The following SLC6A20 variants were observed in gnomAD, a reference collection of about 807,000 sequenced individuals.
SLC6A20 encodes the protein solute carrier family 6 member 20.
A neutral mutation model predicts 64.3 loss-of-function variants in SLC6A20; 73 were observed. The ratio of observed to expected loss-of-function variants is 1.14; its 90% CI spans 0.94 to 1.38. The LOEUF (loss-of-function observed/expected upper bound fraction) is 1.38, where lower values mean the gene tolerates loss of function less well. SLC6A20 is among the 40% of genes most tolerant of loss of function. The pLI, the probability that SLC6A20 is intolerant of heterozygous loss-of-function variation, is 0.00. For synonymous variants in SLC6A20, 347 were observed against 329.6 expected (o/e 1.05, Z -0.57); for missense variants, 725 against 772.8 (o/e 0.94, Z 0.73).
chr3:45,776,840 G>C (rs72885815), intron 3 of SLC6A20, among the ~76,000 whole-genome samples: 1,695 of 152,330 alleles, frequency 0.011, 31 homozygotes, highest in African/African-American at 0.037. Flanking sequence ...TCCAAGGCAG[G>C]CGGGGATTGG....
intron 5 of SLC6A20, 175 bp from the exon 6 acceptor site, chr3:45,771,633 T>C (rs1315056922): frequency 3.7e-5 from 35 of 955,186 alleles, no homozygotes; most frequent in Non-Finnish European, 4.9e-5. Flanking sequence ...CCCTGGCAGA[T>C]GAAACACACA....
Position 45,758,414 on chromosome 3 carries a change from TC to T in SLC6A20, c.*563del. On this transcript the variant is annotated 3_prime_UTR_variant, in exon 11 of 11. Transcript: ENST00000358525. ...CTTAGAGAAAGGATCCCTTTGGGGG[TC>T]CCAGACAAAGATCTTCTTTCTTTAT... 1 of 1,275,856 alleles carries T rather than the reference TC, an allele frequency of 7.8e-7. No individual in the cohort carries two copies. The highest frequency in any genetic ancestry group is 2.4e-5 in the Admixed American group (1 of 40,934). The allele number at this position is 1,275,856 out of a possible 1,614,324, so 79.0% of individuals were successfully genotyped here. A position where few individuals can be genotyped will look rare whatever the true frequency, so the allele number is the denominator to read the frequency against.
intron 3 of SLC6A20, among the ~76,000 whole-genome samples, chr3:45,778,920 C>T (rs1339297921): frequency 7.9e-5 from 12 of 152,296 alleles, no homozygotes; most frequent in Admixed American, 5.9e-4. Flanking sequence ...GCCAGAGATA[C>T]GTGCAATGGG....
intron 1 of SLC6A20, among the ~76,000 whole-genome samples, chr3:45,792,127 C>A (rs1198623780): frequency 6.6e-6 from 1 of 152,190 alleles, no homozygotes; most frequent in African/African-American, 2.4e-5. Context: ...CGCACAGGCT[C>A]CTGGCCAGGC....
intron 1 of SLC6A20, among the ~76,000 whole-genome samples, chr3:45,785,613 TTCTCTCTCTC>T (rs60563353): frequency 9.4e-4 from 133 of 141,104 alleles, no homozygotes; most frequent in East Asian, 4.5e-3. Context: ...AAACTCCCCT[TTCTCTCTCTC>T]TCTCTCTCTC....
In SLC6A20 at chr3:45,796,521, G is replaced by A. The variant is rs2271616; in HGVS notation, c.-102C>T. On this transcript the variant is annotated 5_prime_UTR_variant, in exon 1 of 11. Coordinates refer to ENST00000358525, the MANE Select transcript of SLC6A20 (RefSeq NM_020208.4). ...CGTCCCACCCCGGCTCGGCTTGGGGGTGGCCCCGCGCCTCCGCCGCCGACG... is the reference window on the plus strand; with the variant it reads ...CGTCCCACCCCGGCTCGGCTTGGGGATGGCCCCGCGCCTCCGCCGCCGACG... 2 of 1,237,276 alleles carry A rather than the reference G, an allele frequency of 1.6e-6. No homozygotes were observed. Among genetic ancestry groups the A allele is most frequent in the South Asian group, 2.0e-5 (1 of 49,348 alleles). 76.6% of individuals were successfully genotyped at this position (1,237,276 alleles called of 1,614,324 possible). A position where few individuals can be genotyped will look rare whatever the true frequency, so the allele number is the denominator to read the frequency against.
chr3:45,787,668 T>C lies in SLC6A20; in HGVS notation c.122-5445A>G, dbSNP rs552709777. 3.9e-5 allele frequency among the ~76,000 whole-genome samples: 6 copies of C among 152,226 alleles called. No individual in the cohort carries two copies. The South Asian group carries it at 1.2e-3, about 32-fold the overall frequency. On this transcript the variant is annotated intron_variant, in intron 1 of 10. Transcript: ENST00000358525. ...CAAAACTAAGACCCACCCTCTTGTC[T>C]TGCAAGCCCCTGTTGTTGAGGCACC...
At position 45,758,915 on chromosome 3, in the gene SLC6A20, G is replaced by A; in HGVS notation, c.*63C>T. The A allele has an allele frequency of 1.3e-6, 2 of 1,516,306 alleles. No individual in the cohort carries two copies. The highest frequency in any genetic ancestry group is 1.8e-6 in the Non-Finnish European group (2 of 1,131,656). 93.9% of individuals were successfully genotyped at this position (1,516,306 alleles called of 1,614,324 possible). ...CCTGGCTTAAGCATTTGAAAAAGCAGCCGAGGAGTTTCCGCCTGTAAATAG... is the reference window on the plus strand; with the variant it reads ...CCTGGCTTAAGCATTTGAAAAAGCAACCGAGGAGTTTCCGCCTGTAAATAG... On this transcript the variant is annotated 3_prime_UTR_variant, in exon 11 of 11. Coordinates refer to ENST00000358525, the MANE Select transcript of SLC6A20 (RefSeq NM_020208.4).
chr3:45,769,486 C>T (rs1469406525), intron 7 of SLC6A20, among the ~76,000 whole-genome samples: 1 of 150,914 alleles, frequency 6.6e-6, no homozygotes, highest in East Asian at 1.9e-4. Flanking sequence ...AAAAAAAACC[C>T]TCCAAATGTC....
chr3:45,777,428 G>A (rs1699989118), intron 3 of SLC6A20, among the ~76,000 whole-genome samples: 1 of 152,314 alleles, frequency 6.6e-6, no homozygotes, highest in African/African-American at 2.4e-5. Context: ...CCCTTCCCAT[G>A]TGCACATTTC....
chr3:45,771,228 G>A lies in SLC6A20; in HGVS notation c.924C>T (p.Asn308=), dbSNP rs765605600. The stretch of plus-strand genomic sequence containing the variant: ...CAGCCCAGGCTTACTTCTTCAAGCA[G>A]TTTTCATAATTGAAGGTGGCCTTGA... ...YGFKATFNYE[N]CLKKVSLLLT... The change falls in exon 6 of 11, where the codon AAC becomes AAT. Residue 308 remains asparagine, a synonymous_variant. Coordinates refer to ENST00000358525, the MANE Select transcript of SLC6A20 (RefSeq NM_020208.4). The A allele has an allele frequency of 1.2e-6, 2 of 1,614,254 alleles. No homozygotes were observed. The highest frequency in any genetic ancestry group is 1.7e-6 in the Non-Finnish European group (2 of 1,180,046).
rs573287546 is a variant in SLC6A20 at position 45,790,907 on chromosome 3, A to G, written c.121+5392T>C. Among the ~76,000 whole-genome samples the G allele has an allele frequency of 4.6e-5, 7 of 152,068 alleles. No individual in the cohort carries two copies. The South Asian group carries it at 1.2e-3, about 27-fold the overall frequency. On this transcript the variant is annotated intron_variant, in intron 1 of 10. Coordinates refer to ENST00000358525, the MANE Select transcript of SLC6A20 (RefSeq NM_020208.4). ...TCACAGCCACCTGGGGTTTCTGGCC[A>G]TTTCCCTCAAATGTGTGCTTTTCTG...
chr3:45,761,227 C>CT, intron 9 of SLC6A20, among the ~76,000 whole-genome samples: 1 of 151,622 alleles, frequency 6.6e-6, no homozygotes, highest in South Asian at 2.1e-4. Flanking sequence ...CCCATAACCC[C>CT]CCCCCCTTTC....
intron 1 of SLC6A20, among the ~76,000 whole-genome samples, chr3:45,795,591 CA>C (rs1391552612): frequency 6.6e-6 from 1 of 152,114 alleles, no homozygotes; most frequent in Non-Finnish European, 1.5e-5. Flanking sequence ...CATTGCCTTC[CA>C]AAAAGGTACT....
At position 45,796,293 on chromosome 3, in the gene SLC6A20, A is replaced by C. The variant is rs1700344788; in HGVS notation, c.121+6T>G. 3.1e-6 allele frequency: 5 copies of C among 1,600,170 alleles called. No individual in the cohort carries two copies. Among genetic ancestry groups the C allele is most frequent in the Non-Finnish European group, 4.3e-6 (5 of 1,173,916 alleles). On this transcript the variant is annotated splice_donor_region_variant and intron_variant, in intron 1 of 10. Transcript: ENST00000358525. ...GGGCTGGGGCCGGGGCGCGGTGGGC[A>C]CTCACCTCCGCCGTACATCTGGCAC...
At chr3:45,795,148 A>C (rs979478519) in intron 1 of SLC6A20, among the ~76,000 whole-genome samples, 7 of 151,960 alleles carry the variant, frequency 4.6e-5, no homozygotes, top group African/African-American at 1.2e-4. Context: ...CACACACAAA[A>C]ACACACACAC....
In SLC6A20 at chr3:45,758,964, G is replaced by A; in HGVS notation, c.*14C>T. On this transcript the variant is annotated 3_prime_UTR_variant, in exon 11 of 11. Transcript: ENST00000358525. ...AGTATCTGTAAAACCGTGAGCGGCT[G>A]GGAAGCCCACATCTCAGGCCACGGG... The A allele has an allele frequency of 4.4e-6, 7 of 1,588,088 alleles. No individual in the cohort carries two copies. Among genetic ancestry groups the A allele is most frequent in the Middle Eastern group, 1.7e-4 (1 of 5,944 alleles).
chr3:45,762,599 G>A (rs564862424), intron 9 of SLC6A20, among the ~76,000 whole-genome samples: 1 of 152,368 alleles, frequency 6.6e-6, no homozygotes, highest in Non-Finnish European at 1.5e-5. Context: ...GATGATCAGA[G>A]CATCCAGTGC....
At chr3:45,773,881 A>T (rs940166560) in intron 4 of SLC6A20, among the ~76,000 whole-genome samples, 19 of 152,204 alleles carry the variant, frequency 1.2e-4, no homozygotes, top group Non-Finnish European at 2.6e-4. Flanking sequence ...GATTATAAGA[A>T]ACCAGGTAAG....
Sources: gnomAD v4.1 joint callset for allele counts (sites outside exome capture counted in the v4.1 genomes callset) on GRCh38, gnomAD v4.1.1 for gene constraint, MANE v1.5 for transcripts, NCBI Gene and HGNC (gene_info 2026-07-23, HGNC 2026-07-21) for gene names.